RBFOX1: variants seen among roughly 807,000 people sequenced by gnomAD.
RBFOX1 encodes RNA binding protein fox-1 homolog 1.
In RBFOX1, 8 loss-of-function variants were observed where a neutral mutation model predicts 57.7. The ratio of observed to expected loss-of-function variants is 0.14; its 90% confidence interval spans 0.08 to 0.25. The LOEUF is 0.25. RBFOX1 is among the 10% of genes least tolerant of loss of function. RBFOX1 has a pLI of 1.00. For missense variants in RBFOX1, 611 were observed against 548.5 expected (o/e 1.11, Z -1.14); for synonymous variants, 326 against 222.4 (o/e 1.47, Z -4.15).
intron 4 of RBFOX1, among the ~76,000 whole-genome samples, chr16:7,072,219 T>C (rs2057473614): frequency 6.6e-6 from 1 of 152,216 alleles, no homozygotes; most frequent in Non-Finnish European, 1.5e-5. Flanking sequence ...GAATAAATTA[T>C]GATCACTGAA....
At chr16:7,633,858 T>TGTTTGTGGATTGCTGGCTTGGCAACA (rs1319384053) in intron 11 of RBFOX1, among the ~76,000 whole-genome samples, 3 of 152,212 alleles carry the variant, frequency 2.0e-5, no homozygotes, top group Non-Finnish European at 1.5e-5. Context: ...TGGTCTAGGC[T>TGTTTGTGGATTGCTGGCTTGGCAACA]GTTTGTGGAT....
chr16:7,507,271 C>G, intron 4 of RBFOX1, among the ~76,000 whole-genome samples: 1 of 152,156 alleles, frequency 6.6e-6, no homozygotes, highest in East Asian at 1.9e-4. Flanking sequence ...ACCCATTCCT[C>G]CACATAAAGT....
chr16:7,009,361 T>A (rs8049516), intron 3 of RBFOX1, among the ~76,000 whole-genome samples: 112,110 of 149,586 alleles, frequency 0.75, 42,243 homozygotes, highest in East Asian at 0.92. Flanking sequence ...AAGCAGTCTC[T>A]TGGAATTAGA....
At chr16:6,253,775 G>T (rs1009738385) in intron 1 of RBFOX1, among the ~76,000 whole-genome samples, 2 of 151,528 alleles carry the variant, frequency 1.3e-5, no homozygotes, top group African/African-American at 2.4e-5. Context: ...TCAAAATTGT[G>T]CTGTCTTTCT....
intron 2 of RBFOX1, among the ~76,000 whole-genome samples, chr16:5,519,954 G>C (rs549726045): frequency 1.3e-5 from 2 of 152,366 alleles, no homozygotes; most frequent in African/African-American, 4.8e-5. Flanking sequence ...TGGTGAGCAA[G>C]GCAGATATAT....
chr16:7,681,260 G>A (rs115735531), intron 14 of RBFOX1, among the ~76,000 whole-genome samples: 2 of 152,122 alleles, frequency 1.3e-5, no homozygotes, highest in Admixed American at 6.6e-5. Context: ...GAGATAAATC[G>A]ATACATAGGT....
At chr16:6,571,099 T>A (rs192210361) in intron 2 of RBFOX1, among the ~76,000 whole-genome samples, 173 of 152,312 alleles carry the variant, frequency 1.1e-3, no homozygotes, top group African/African-American at 3.5e-3. Flanking sequence ...CATTTGCAAG[T>A]TTGTGGGTCC....
chr16:7,262,265 T>A (rs1008016202), intron 4 of RBFOX1, among the ~76,000 whole-genome samples: 11 of 152,304 alleles, frequency 7.2e-5, no homozygotes, highest in African/African-American at 2.6e-4. Context: ...TGGTTGCTGT[T>A]GTTAAATCAT....
chr16:6,708,859 A>G (rs1351829054), intron 3 of RBFOX1, among the ~76,000 whole-genome samples: 1 of 152,184 alleles, frequency 6.6e-6, no homozygotes, highest in Admixed American at 6.5e-5. Context: ...TAATTATTTC[A>G]GGCACCAGAA....
intron 2 of RBFOX1, among the ~76,000 whole-genome samples, chr16:6,339,957 A>G (rs1450063181): frequency 6.6e-6 from 1 of 152,084 alleles, no homozygotes; most frequent in African/African-American, 2.4e-5. Context: ...GATTACAGGC[A>G]TGAGCCACCG....
intron 2 of RBFOX1, among the ~76,000 whole-genome samples, chr16:5,522,584 A>C (rs1052983754): frequency 1.3e-5 from 2 of 152,206 alleles, no homozygotes; most frequent in Non-Finnish European, 1.5e-5. Flanking sequence ...TGAGATATAC[A>C]GTACATTCTT....
chr16:7,259,178 C>T (rs945731345), intron 4 of RBFOX1, among the ~76,000 whole-genome samples: 1 of 152,168 alleles, frequency 6.6e-6, no homozygotes, highest in Non-Finnish European at 1.5e-5. Context: ...TCTCCTCCAC[C>T]ATCACGCTAT....
intron 3 of RBFOX1, among the ~76,000 whole-genome samples, chr16:6,904,508 G>A (rs1422164953): frequency 6.8e-6 from 1 of 147,966 alleles, no homozygotes; most frequent in Non-Finnish European, 1.5e-5. Flanking sequence ...GGCCGAGGCA[G>A]GAGAATTGTT....
intron 3 of RBFOX1, among the ~76,000 whole-genome samples, chr16:6,906,409 GA>G (rs773280250): frequency 4.4e-4 from 67 of 152,222 alleles, no homozygotes; most frequent in Admixed American, 6.5e-4. Flanking sequence ...AACAATGCTG[GA>G]AGAAAATTAT....
chr16:7,221,434 T>C (rs140067460), intron 4 of RBFOX1, among the ~76,000 whole-genome samples: 1 of 152,004 alleles, frequency 6.6e-6, no homozygotes, highest in Non-Finnish European at 1.5e-5. Flanking sequence ...TGGCCCAATC[T>C]TGGCTCACTG....
chr16:6,630,339 CCATCCATG>C (rs1484423653), intron 2 of RBFOX1, among the ~76,000 whole-genome samples: 1 of 152,144 alleles, frequency 6.6e-6, no homozygotes, highest in Admixed American at 6.5e-5. Context: ...ATCCATCCAT[CCATCCATG>C]CATCCATCCA....
At chr16:6,978,767 G>T (rs1454774015) in intron 3 of RBFOX1, among the ~76,000 whole-genome samples, 1 of 152,236 alleles carries the variant, frequency 6.6e-6, no homozygotes, top group Non-Finnish European at 1.5e-5. Context: ...TTGAACCCCA[G>T]TGGCCTGATT....
At chr16:5,315,266 G>A (rs189558281) in intron 1 of RBFOX1, among the ~76,000 whole-genome samples, 2 of 152,282 alleles carry the variant, frequency 1.3e-5, no homozygotes, top group East Asian at 1.9e-4. Flanking sequence ...GAGGCCGTCC[G>A]TCTGTCCAGG....
chr16:6,144,185 A>G (rs913854845), intron 1 of RBFOX1, among the ~76,000 whole-genome samples: 1 of 152,156 alleles, frequency 6.6e-6, no homozygotes, highest in East Asian at 1.9e-4. Context: ...GATTATATCC[A>G]TTAGAATGCC....
Sources: gnomAD v4.1 joint callset for allele counts (sites outside exome capture counted in the v4.1 genomes callset) on GRCh38, gnomAD v4.1.1 for gene constraint, MANE v1.5 for transcripts, NCBI Gene and HGNC (gene_info 2026-07-23, HGNC 2026-07-21) for gene names.